The following SNTG2 variants were observed in gnomAD, a reference collection of about 807,000 sequenced individuals.
SNTG2 encodes gamma-2-syntrophin.
SNTG2 carries 74 observed loss-of-function variants against 70.9 expected under a neutral mutation model. That is an observed-to-expected ratio of 1.04 (90% CI 0.86 to 1.27). SNTG2 has a LOEUF of 1.27. Among genes scored for constraint, SNTG2 ranks in the 50% most tolerant of loss-of-function variants. The pLI is 0.00. For synonymous variants in SNTG2, 278 were observed against 273.8 expected (o/e 1.02, Z -0.15); for missense variants, 717 against 690.7 (o/e 1.04, Z -0.43).
chr2:1,302,911 G>C (rs1680519023), intron 14 of SNTG2, among the ~76,000 whole-genome samples: 1 of 152,110 alleles, frequency 6.6e-6, no homozygotes, highest in Admixed American at 6.5e-5. Flanking sequence ...GTTATAGGAT[G>C]ATGAGAGGCT....
intron 8 of SNTG2, among the ~76,000 whole-genome samples, chr2:1,203,659 C>CAA (rs202037307): frequency 0.019 from 1,579 of 82,088 alleles, 13 homozygotes; most frequent in East Asian, 0.1. Flanking sequence ...GTCTCAAAAA[C>CAA]AAACAAAAAA....
chr2:1,032,549 AATG>A, intron 1 of SNTG2, among the ~76,000 whole-genome samples: 1 of 152,222 alleles, frequency 6.6e-6, no homozygotes, highest in Non-Finnish European at 1.5e-5. Flanking sequence ...AAATTCACAT[AATG>A]ATAAGATATC....
At chr2:1,287,794 A>G (rs1415488720) in intron 14 of SNTG2, among the ~76,000 whole-genome samples, 2 of 152,210 alleles carry the variant, frequency 1.3e-5, no homozygotes, top group Non-Finnish European at 2.9e-5. Context: ...AAAGGGCCCA[A>G]GCAGCATTTC....
chr2:1,098,323 A>G, intron 3 of SNTG2, 30 bp from the exon 4 acceptor site: 1 of 1,613,808 alleles, frequency 6.2e-7, no homozygotes, highest in South Asian at 1.1e-5. Context: ...CATGATAACC[A>G]CGTTTCTTTC....
At chr2:1,109,339 C>T (rs1420163224) in intron 4 of SNTG2, among the ~76,000 whole-genome samples, 1 of 151,954 alleles carries the variant, frequency 6.6e-6, no homozygotes, top group Admixed American at 6.6e-5. Context: ...GAAACCGAAG[C>T]CAGGCTCCAT....
chr2:1,084,195 T>C (rs1404564713), intron 2 of SNTG2, among the ~76,000 whole-genome samples: 2 of 152,210 alleles, frequency 1.3e-5, no homozygotes, highest in Non-Finnish European at 2.9e-5. Context: ...TAGGAGACCC[T>C]GTGTCTATTT....
intron 16 of SNTG2, among the ~76,000 whole-genome samples, chr2:1,339,187 TCTGCCCATTTTTA>T (rs1343098603): frequency 6.6e-6 from 1 of 152,218 alleles, no homozygotes; most frequent in Non-Finnish European, 1.5e-5. Context: ...ACTTAAGTCC[TCTGCCCATTTTTA>T]AAGTGGATTT....
chr2:1,064,377 C>CTT (rs1663015430), intron 1 of SNTG2, among the ~76,000 whole-genome samples: 1 of 151,492 alleles, frequency 6.6e-6, no homozygotes, highest in South Asian at 2.1e-4. Context: ...ATATAAAAAG[C>CTT]ACATATCCAC....
chr2:1,271,052 T>C (rs927219745), intron 14 of SNTG2, among the ~76,000 whole-genome samples: 1 of 152,178 alleles, frequency 6.6e-6, no homozygotes, highest in African/African-American at 2.4e-5. Context: ...ACAGAAAAGT[T>C]CTCCATCATC....
At position 1,031,528 on chromosome 2, in the gene SNTG2, ATTTTTT is replaced by A. The variant is rs745388505; in HGVS notation, c.73-51975_73-51970del. 5.2e-3 allele frequency among the ~76,000 whole-genome samples: 309 copies of A among 59,102 alleles called. 5 individuals are homozygous for A. Among genetic ancestry groups the A allele is most frequent in the Non-Finnish European group, 6.8e-3 (216 of 31,834 alleles). The allele number at this position is 59,102 out of a possible 152,430, so 38.8% of individuals were successfully genotyped here. A position where few individuals can be genotyped will look rare whatever the true frequency, so the allele number is the denominator to read the frequency against. On this transcript the variant is annotated intron_variant, in intron 1 of 16. Transcript: ENST00000308624. ...CATTGTTATATATATATATATATAT[ATTTTTT>A]TTTTTTTTTTTTTTGAGGCGAAATC... is the stretch of plus-strand genomic sequence containing the variant.
intron 2 of SNTG2, among the ~76,000 whole-genome samples, chr2:1,096,820 C>T (rs1665420963): frequency 1.3e-5 from 2 of 152,282 alleles, no homozygotes; most frequent in African/African-American, 4.8e-5. Context: ...GGTGCAGTGT[C>T]ACTGGGAAGC....
At chr2:1,017,976 C>T (rs190250753) in intron 1 of SNTG2, among the ~76,000 whole-genome samples, 2 of 152,302 alleles carry the variant, frequency 1.3e-5, no homozygotes, top group Non-Finnish European at 2.9e-5. Flanking sequence ...ACGCCATCTC[C>T]AGTTGGGTTT....
chr2:1,222,097 C>T (rs1416800384), intron 9 of SNTG2, among the ~76,000 whole-genome samples: 4 of 16,660 alleles, frequency 2.4e-4, no homozygotes, highest in South Asian at 1.7e-3. Context: ...CTCTCTCTGT[C>T]TCTCTCTGTC....
intron 1 of SNTG2, among the ~76,000 whole-genome samples, chr2:966,243 T>C (rs1395081289): frequency 1.3e-5 from 2 of 152,258 alleles, no homozygotes; most frequent in African/African-American, 4.8e-5. Context: ...AAAATGTTTG[T>C]TGTTGCACTT....
rs1246596711 is a variant in SNTG2, at chr2:1,126,032, TAAAC to T, written c.326-11587_326-11584del. 3.9e-5 allele frequency among the ~76,000 whole-genome samples: 6 copies of T among 152,174 alleles called. No individual in the cohort carries two copies. The East Asian group carries it at 9.6e-4, about 24-fold the overall frequency. On this transcript the variant is annotated intron_variant, in intron 4 of 16. Coordinates refer to ENST00000308624, the MANE Select transcript of SNTG2 (RefSeq NM_018968.4). ...ATGCTCTCTTCTAGCCATTTGAAAATAAACAATATATTATTGCTAACTATCATTA... is the reference window on the plus strand; with the variant it reads ...ATGCTCTCTTCTAGCCATTTGAAAATAATATATTATTGCTAACTATCATTA...
At chr2:1,152,080 G>A (rs181345653) in intron 6 of SNTG2, among the ~76,000 whole-genome samples, 1 of 152,300 alleles carries the variant, frequency 6.6e-6, no homozygotes, top group East Asian at 1.9e-4. Context: ...TACACATCAT[G>A]TGTAGTTCTG....
intron 3 of SNTG2, 31 bp from the exon 4 acceptor site, chr2:1,098,322 C>T (rs947995546): frequency 6.2e-7 from 1 of 1,613,702 alleles, no homozygotes; most frequent in African/African-American, 1.3e-5. Flanking sequence ...TCATGATAAC[C>T]ACGTTTCTTT....
intron 9 of SNTG2, among the ~76,000 whole-genome samples, chr2:1,233,431 C>T (rs989098819): frequency 1.3e-5 from 2 of 152,136 alleles, no homozygotes; most frequent in Non-Finnish European, 2.9e-5. Context: ...GGGCGGGATT[C>T]GGAGGCCTTT....
rs1489171586 is a variant in SNTG2, at chr2:1,042,521, A to G, written c.73-40997A>G. Among the ~76,000 whole-genome samples, 4 of 152,068 alleles carry G rather than the reference A, an allele frequency of 2.6e-5. No homozygotes were observed. In the East Asian group the frequency reaches 5.8e-4, roughly 22 times the overall value. ...GTAGTTTTTGATTCTTACCTTTCTCATACTCTCCACCCTCAAGTAAGACCC... is the reference window on the plus strand; with the variant it reads ...GTAGTTTTTGATTCTTACCTTTCTCGTACTCTCCACCCTCAAGTAAGACCC... On this transcript the variant is annotated intron_variant, in intron 1 of 16. Transcript: ENST00000308624.
Sources: allele counts gnomAD v4.1 joint callset (sites outside exome capture counted in the v4.1 genomes callset), GRCh38; gene constraint gnomAD v4.1.1; transcripts MANE v1.5; gene names NCBI Gene and HGNC (gene_info 2026-07-23, HGNC 2026-07-21).